COL5A1: variants seen among roughly 807,000 people sequenced by gnomAD.
COL5A1 encodes the protein collagen type V alpha 1 chain, also known as collagen alpha-1(V) chain.
Under a neutral mutation model 263.7 loss-of-function variants are expected in COL5A1, and 16 were observed. The observed-to-expected ratio is 0.06, with a 90% CI of 0.04 to 0.09. COL5A1 has a LOEUF of 0.09. Among genes scored for constraint, COL5A1 ranks in the 10% least tolerant of loss-of-function variants. The pLI, the probability that COL5A1 is intolerant of heterozygous loss-of-function variation, is 1.00. For synonymous variants in COL5A1, 1,012 were observed against 1,004.5 expected (o/e 1.01, Z -0.14); for missense variants, 2,036 against 2,540.5 (o/e 0.80, Z 4.27).
At chr9:134,817,174 A>C in intron 53 of COL5A1, 95 bp downstream of exon 53, 1 of 1,139,208 alleles carries the variant, frequency 8.8e-7, no homozygotes. Flanking sequence ...TGGGTGCTCT[A>C]AGCTGCACTG....
rs1459960510 is a variant in COL5A1, at chr9:134,758,679, A to G, written c.1935+383A>G. ...CAGGGGCGGCCAAGGACACTTTGCA[A>G]TATTAAAGTGGTGGTCCCAAGGGGG... On this transcript the variant is annotated intron_variant, in intron 18 of 65. Coordinates refer to ENST00000371817, the MANE Select transcript of COL5A1 (RefSeq NM_000093.5). This position sits in a 1 kb window ranked among gnomAD's most constrained non-coding sequence, Gnocchi z 4.1. 2.6e-5 allele frequency among the ~76,000 whole-genome samples: 4 copies of G among 152,152 alleles called. No individual in the cohort carries two copies. Among genetic ancestry groups the G allele is most frequent in the African/African-American group, 7.2e-5 (3 of 41,426 alleles).
chr9:134,738,645 C>T (rs761225957), intron 10 of COL5A1, 101 bp from the exon 11 acceptor site: 101 of 1,511,066 alleles, frequency 6.7e-5, no homozygotes, highest in Non-Finnish European at 8.6e-5. Context: ...TGGGAGCCGG[C>T]GCTATCCCAC....
In COL5A1 at chr9:134,746,683, C is replaced by T. The variant is rs1835525619; in HGVS notation, c.1495-3859C>T. On this transcript the variant is annotated intron_variant, in intron 11 of 65. Transcript: ENST00000371817. ...GTATAGGTATGACACTGAGAGCCCT[C>T]CTGTGCCAGGGCCTTCAGAACATTG... is the stretch of plus-strand genomic sequence containing the variant. Among the ~76,000 whole-genome samples, 3 of 152,282 alleles carry T rather than the reference C, an allele frequency of 2.0e-5. No homozygotes were observed. The South Asian group carries it at 6.2e-4, about 31-fold the overall frequency.
intron 13 of COL5A1, among the ~76,000 whole-genome samples, chr9:134,751,971 T>C (rs1266849905): frequency 2.0e-5 from 3 of 152,220 alleles, no homozygotes; most frequent in Non-Finnish European, 4.4e-5. Flanking sequence ...TAAGATTTTA[T>C]AATGCAAAAC....
chr9:134,703,627 G>GTT lies in COL5A1; in HGVS notation c.654+2321_654+2322dup, dbSNP rs55882557. On this transcript the variant is annotated intron_variant, in intron 4 of 65. Coordinates refer to ENST00000371817, the MANE Select transcript of COL5A1 (RefSeq NM_000093.5). ...ATGGGAGGCCACGCGGTGGCCTCGG[G>GTT]TTTTTTTTTTTTTTTTTTTTTTTTT... Among the ~76,000 whole-genome samples, 55 of 73,302 alleles carry GTT rather than the reference G, an allele frequency of 7.5e-4. 3 individuals are homozygous for GTT. The highest frequency in any genetic ancestry group is 1.4e-3 in the African/African-American group (24 of 17,584). The allele number at this position is 73,302 out of a possible 152,430, so 48.1% of individuals were successfully genotyped here.
At chr9:134,819,583 C>T (rs1368227734) in intron 57 of COL5A1, among the ~76,000 whole-genome samples, 1 of 152,218 alleles carries the variant, frequency 6.6e-6, no homozygotes, top group Non-Finnish European at 1.5e-5. Flanking sequence ...ACCACTGCCC[C>T]CAGCCCCAAG....
At chr9:134,722,032 C>T (rs984608976) in intron 4 of COL5A1, among the ~76,000 whole-genome samples, 3 of 152,254 alleles carry the variant, frequency 2.0e-5, no homozygotes, top group Non-Finnish European at 2.9e-5. Flanking sequence ...TCCTTCTCCA[C>T]GGGGGTGGTG....
rs1208588208 is a variant in COL5A1 at position 134,765,879 on chromosome 9, G to A, written c.2088+145G>A. ...CCTGCTGCCAGTGTGAGGCGTGAGCGGGACACTGATGTTCAGACGCTGTAG... is the reference window on the plus strand; with the variant it reads ...CCTGCTGCCAGTGTGAGGCGTGAGCAGGACACTGATGTTCAGACGCTGTAG... On this transcript the variant is annotated intron_variant, in intron 21 of 65. Transcript: ENST00000371817. The surrounding 1 kb of genome is among the most constrained non-coding windows in gnomAD (Gnocchi z 5.1). 2.1e-5 allele frequency: 14 copies of A among 670,590 alleles called. No homozygotes were observed. The highest frequency in any genetic ancestry group is 2.8e-5 in the Non-Finnish European group (11 of 392,844). The allele number at this position is 670,590 out of a possible 1,614,324, so 41.5% of individuals were successfully genotyped here. A position where few individuals can be genotyped will look rare whatever the true frequency, so the allele number is the denominator to read the frequency against.
intron 1 of COL5A1, among the ~76,000 whole-genome samples, chr9:134,654,530 G>C (rs1831852313): frequency 7.8e-6 from 1 of 129,032 alleles, no homozygotes; most frequent in African/African-American, 3.0e-5. Context: ...TGCAGGGCTG[G>C]GTGTGTGTAG....
chr9:134,688,955 C>T (rs772707821), intron 1 of COL5A1, among the ~76,000 whole-genome samples: 13 of 151,892 alleles, frequency 8.6e-5, no homozygotes, highest in Non-Finnish European at 1.9e-4. Context: ...CTGCTGTCTT[C>T]CCTGCACTGT....
chr9:134,773,069 C>CTGCCCATGACCGGATTGGG (rs1836918699), intron 26 of COL5A1, among the ~76,000 whole-genome samples: 1 of 151,024 alleles, frequency 6.6e-6, no homozygotes, highest in Non-Finnish European at 1.5e-5. Context: ...CCTCCAGTTG[C>CTGCCCATGACCGGATTGGG]TGCCCATGAC....
rs13293484 is a variant in COL5A1 at position 134,810,047 on chromosome 9, G to T, written c.3475-208G>T. ...TCTTCAAGTCTACTAAAAGCCTGTC[G>T]AGCATCAGATCGAGACCTCGTCCCT... On this transcript the variant is annotated intron_variant, in intron 43 of 65. Coordinates refer to ENST00000371817, the MANE Select transcript of COL5A1 (RefSeq NM_000093.5). Among the ~76,000 whole-genome samples the T allele has an allele frequency of 0.038, 5,857 of 152,286 alleles. 144 individuals carry two copies. The highest frequency in any genetic ancestry group is 0.057 in the Non-Finnish European group (3,908 of 68,036).
chr9:134,691,491 A>G (rs1833277947), intron 2 of COL5A1: 1 of 231,728 alleles, frequency 4.3e-6, no homozygotes, highest in Non-Finnish European at 8.6e-6. Flanking sequence ...GGGCAGTGAC[A>G]TTAAGAGACG....
In COL5A1 at chr9:134,757,057, G is replaced by A. The variant is rs1836004135; in HGVS notation, c.1881+239G>A. On this transcript the variant is annotated intron_variant, in intron 17 of 65. Coordinates refer to ENST00000371817, the MANE Select transcript of COL5A1 (RefSeq NM_000093.5). The surrounding 1 kb of genome is among the most constrained non-coding windows in gnomAD (Gnocchi z 6.2). ...CCTTCCAGCAGTGGCGAGCAGGGAT[G>A]GGGGTGGGATCCCGACTATGAAAAC... Among the ~76,000 whole-genome samples the A allele has an allele frequency of 1.3e-5, 2 of 152,146 alleles. No individual in the cohort carries two copies. Among genetic ancestry groups the A allele is most frequent in the South Asian group, 4.1e-4 (2 of 4,828 alleles).
intron 1 of COL5A1, among the ~76,000 whole-genome samples, chr9:134,650,905 A>G (rs1831656931): frequency 6.6e-6 from 1 of 152,246 alleles, no homozygotes; most frequent in African/African-American, 2.4e-5. Context: ...CCTTGAGTCC[A>G]GCTGGCACAA....
chr9:134,827,759 G>A (rs1254404529), intron 63 of COL5A1, among the ~76,000 whole-genome samples: 4 of 152,234 alleles, frequency 2.6e-5, no homozygotes, highest in South Asian at 2.1e-4. Flanking sequence ...GACGCTTTCC[G>A]AGGTGGCCCC....
At chr9:134,785,348 G>A (rs990774960) in intron 30 of COL5A1, among the ~76,000 whole-genome samples, 1 of 152,158 alleles carries the variant, frequency 6.6e-6, no homozygotes. Context: ...CCTTCCTCCC[G>A]GTGGCTACAA....
intron 1 of COL5A1, among the ~76,000 whole-genome samples, chr9:134,646,541 C>T (rs1463902608): frequency 3.3e-5 from 5 of 152,216 alleles, no homozygotes; most frequent in East Asian, 1.9e-4. Flanking sequence ...ACGGGCTTGG[C>T]AGGTGCTCCC....
intron 4 of COL5A1, among the ~76,000 whole-genome samples, chr9:134,725,237 A>G (rs1588474024): frequency 6.6e-6 from 1 of 152,144 alleles, no homozygotes; most frequent in African/African-American, 2.4e-5. Flanking sequence ...ATCCTGCCCC[A>G]GCTGCTGGGG....
Sources: allele counts gnomAD v4.1 joint callset (sites outside exome capture counted in the v4.1 genomes callset), GRCh38; gene constraint gnomAD v4.1.1; non-coding constraint Gnocchi (gnomAD v3.1); transcripts MANE v1.5; gene names NCBI Gene and HGNC (gene_info 2026-07-23, HGNC 2026-07-21).